The following PAK5 variants were observed in gnomAD, a reference collection of about 807,000 sequenced individuals.
The protein encoded by PAK5 is p21 (RAC1) activated kinase 5, also known as serine/threonine-protein kinase PAK 5.
In PAK5, 16 loss-of-function variants were observed where a neutral mutation model predicts 65.9. The observed-to-expected ratio is 0.24, with a 90% CI of 0.16 to 0.37. The LOEUF (loss-of-function observed/expected upper bound fraction) is 0.37. Among genes scored for constraint, PAK5 ranks in the 10% least tolerant of loss-of-function variants. PAK5 has a pLI of 1.00. For missense variants in PAK5, 785 were observed against 903.9 expected, an observed-to-expected ratio of 0.87 and a Z score of 1.69; for synonymous variants, 371 against 354.9, an observed-to-expected ratio of 1.05 and a Z score of -0.51.
In PAK5 at chr20:9,797,862, G is replaced by A. The variant is rs149951419; in HGVS notation, c.-162+40900C>T. Reference sequence around the variant, plus strand: ...GGTCTGGATCTCAGCATAAAGGTTTGTGCTAGATATAAAATAAAGGATTCA... The same window carrying A: ...GGTCTGGATCTCAGCATAAAGGTTTATGCTAGATATAAAATAAAGGATTCA... On this transcript the variant is annotated intron_variant, in intron 1 of 9. Coordinates refer to ENST00000353224, the MANE Select transcript of PAK5 (RefSeq NM_177990.4). Among the ~76,000 whole-genome samples the A allele has an allele frequency of 5.3e-3, 808 of 152,016 alleles. 8 individuals carry two copies. The highest frequency in any genetic ancestry group is 0.019 in the African/African-American group (775 of 41,464).
Position 9,580,563 on chromosome 20 carries a change from T to C in PAK5, c.572A>G (p.Asp191Gly). The change falls in exon 4 of 10, where the codon GAT (aspartate) becomes GGT (glycine). Residue 191 changes from aspartate (D) to glycine (G), a missense_variant. Transcript: ENST00000353224. ...YYSEVKPLKS[D>G]FARFSADYHS... ...ATAATCGGCAGAAAATCTGGCAAAA[T>C]CGGATTTCAAAGGCTTCACCTCAGA... The C allele has an allele frequency of 3.1e-6, 5 of 1,614,030 alleles. No homozygotes were observed. Among genetic ancestry groups the C allele is most frequent in the Non-Finnish European group, 4.2e-6 (5 of 1,180,004 alleles).
rs79864158 is a variant in PAK5, at chr20:9,825,918, A to T, written c.-162+12844T>A. Among the ~76,000 whole-genome samples the T allele has an allele frequency of 6.3e-3, 967 of 152,308 alleles. 7 individuals are homozygous for T. The highest frequency in any genetic ancestry group is 0.024 in the Middle Eastern group (7 of 294). ...AGAGCAATTCAAAGGTTATAATTTGAATTATATTCACTCAAATTCAAAGGT... is the reference window on the plus strand; with the variant it reads ...AGAGCAATTCAAAGGTTATAATTTGTATTATATTCACTCAAATTCAAAGGT... On this transcript the variant is annotated intron_variant, in intron 1 of 9. Coordinates refer to ENST00000353224, the MANE Select transcript of PAK5 (RefSeq NM_177990.4).
At chr20:9,729,261 T>G (rs1199448864) in intron 1 of PAK5, among the ~76,000 whole-genome samples, 5 of 151,950 alleles carry the variant, frequency 3.3e-5, no homozygotes, top group African/African-American at 1.2e-4. Flanking sequence ...TAATAAAAAT[T>G]TAAAATTTAT....
intron 1 of PAK5, among the ~76,000 whole-genome samples, chr20:9,837,156 A>C (rs1374099546): frequency 6.6e-6 from 1 of 152,232 alleles, no homozygotes; most frequent in Non-Finnish European, 1.5e-5. Context: ...CTAGGTTTTT[A>C]GTCTAAGGCC....
chr20:9,829,807 C>T (rs900649104), intron 1 of PAK5, among the ~76,000 whole-genome samples: 6 of 152,202 alleles, frequency 3.9e-5, no homozygotes, highest in Non-Finnish European at 8.8e-5. Context: ...AATATGCCTT[C>T]ATAACAACGT....
intron 7 of PAK5, among the ~76,000 whole-genome samples, chr20:9,545,204 T>C (rs1167448227): frequency 6.6e-6 from 1 of 152,168 alleles, no homozygotes; most frequent in Non-Finnish European, 1.5e-5. Flanking sequence ...TACATGTTAT[T>C]TACCTTAGAT....
chr20:9,618,441 C>T (rs908105424), intron 3 of PAK5, among the ~76,000 whole-genome samples: 1 of 142,856 alleles, frequency 7.0e-6, no homozygotes, highest in African/African-American at 2.6e-5. Flanking sequence ...GAGTCTCGCT[C>T]TGTCACCCAG....
At chr20:9,622,797 T>C (rs1443693097) in intron 3 of PAK5, among the ~76,000 whole-genome samples, 1 of 152,192 alleles carries the variant, frequency 6.6e-6, no homozygotes, top group Non-Finnish European at 1.5e-5. Context: ...TCCGCACCCC[T>C]GTCTGTGGAA....
intron 1 of PAK5, among the ~76,000 whole-genome samples, chr20:9,766,398 A>C (rs2048763457): frequency 2.5e-5 from 2 of 78,648 alleles, no homozygotes. Flanking sequence ...GTATATATAT[A>C]TTCAAGCAGA....
chr20:9,755,293 T>G (rs972795395), intron 1 of PAK5, among the ~76,000 whole-genome samples: 3 of 152,224 alleles, frequency 2.0e-5, no homozygotes, highest in Non-Finnish European at 2.9e-5. Context: ...CTTTTTTTAG[T>G]GTCTTGAACC....
intron 3 of PAK5, among the ~76,000 whole-genome samples, chr20:9,612,332 A>G (rs1421958272): frequency 1.3e-5 from 2 of 152,206 alleles, no homozygotes; most frequent in African/African-American, 4.8e-5. Context: ...TCACACTGCT[A>G]TAAAGAAACA....
chr20:9,666,597 T>A (rs1421558538), intron 2 of PAK5, among the ~76,000 whole-genome samples: 1 of 152,172 alleles, frequency 6.6e-6, no homozygotes, highest in Non-Finnish European at 1.5e-5. Context: ...GTTCTCCAAG[T>A]GGCCTTCTTA....
In PAK5 at chr20:9,810,734, T is replaced by C. The variant is rs186654337; in HGVS notation, c.-162+28028A>G. On this transcript the variant is annotated intron_variant, in intron 1 of 9. Coordinates refer to ENST00000353224, the MANE Select transcript of PAK5 (RefSeq NM_177990.4). ...TCTCTGCTATTACCCTAATGGAGAA[T>C]CTGTTTCCCAACCTGCATTAATAAA... Among the ~76,000 whole-genome samples, 9 of 152,316 alleles carry C rather than the reference T, an allele frequency of 5.9e-5. No homozygotes were observed. The East Asian group carries it at 1.7e-3, about 29-fold the overall frequency.
chr20:9,608,075 G>A (rs969668042), intron 3 of PAK5, among the ~76,000 whole-genome samples: 4 of 152,134 alleles, frequency 2.6e-5, no homozygotes, highest in Non-Finnish European at 2.9e-5. Context: ...TCACACAAGG[G>A]AGCTGTATGG....
chr20:9,588,923 G>T (rs1465807472), intron 3 of PAK5, among the ~76,000 whole-genome samples: 1 of 152,158 alleles, frequency 6.6e-6, no homozygotes, highest in Non-Finnish European at 1.5e-5. Flanking sequence ...TCCATGGGCT[G>T]TTGGCTGGTG....
At position 9,556,485 on chromosome 20, in the gene PAK5, G is replaced by T. The variant is rs143833459; in HGVS notation, c.1743+1123C>A. Among the ~76,000 whole-genome samples, 582 of 152,340 alleles carry T rather than the reference G, an allele frequency of 3.8e-3. 2 individuals are homozygous for T. The highest frequency in any genetic ancestry group is 0.014 in the African/African-American group (562 of 41,580). On this transcript the variant is annotated intron_variant, in intron 7 of 9. Transcript: ENST00000353224. Reference sequence around the variant, plus strand: ...ACATGAACATTTTCCATGTGGCAGGGGTTGCAGGTGTAAAAGACAGGAACA... The same window carrying T: ...ACATGAACATTTTCCATGTGGCAGGTGTTGCAGGTGTAAAAGACAGGAACA...
intron 2 of PAK5, among the ~76,000 whole-genome samples, chr20:9,663,643 C>A (rs891955495): frequency 1.3e-5 from 2 of 152,092 alleles, no homozygotes; most frequent in African/African-American, 4.8e-5. Flanking sequence ...AATTACCCTT[C>A]CCTTTGGAAA....
intron 3 of PAK5, among the ~76,000 whole-genome samples, chr20:9,619,789 T>G (rs994828720): frequency 1.3e-5 from 2 of 152,210 alleles, no homozygotes; most frequent in African/African-American, 4.8e-5. Flanking sequence ...AGAAAGTAAT[T>G]GTTTACTTCC....
intron 1 of PAK5, among the ~76,000 whole-genome samples, chr20:9,837,923 G>A (rs1979278151): frequency 6.6e-6 from 1 of 152,048 alleles, no homozygotes; most frequent in Non-Finnish European, 1.5e-5. Context: ...TCCCTTAATT[G>A]ATATCTAATG....
Sources: allele counts gnomAD v4.1 joint callset (sites outside exome capture counted in the v4.1 genomes callset), GRCh38; gene constraint gnomAD v4.1.1; transcripts MANE v1.5; gene names NCBI Gene and HGNC (gene_info 2026-07-23, HGNC 2026-07-21).